Variants in UGT1A10 observed in about 807,000 individuals in gnomAD.
UGT1A10 encodes UDP glucuronosyltransferase family 1 member A10, also known as UDP-glucuronosyltransferase 1A10.
A neutral mutation model predicts 45.8 loss-of-function variants in UGT1A10; 49 were observed. The observed-to-expected ratio is 1.07, with a 90% CI of 0.85 to 1.36. The LOEUF (loss-of-function observed/expected upper bound fraction) is 1.36, where lower values mean the gene tolerates loss of function less well. Ranked by LOEUF, UGT1A10 falls within the 40% of genes most tolerant of loss-of-function variation. The pLI is 0.00. For missense variants in UGT1A10, 745 were observed against 668.6 expected, an observed-to-expected ratio of 1.11 and a Z score of -1.26; for synonymous variants, 284 against 249.7, an observed-to-expected ratio of 1.14 and a Z score of -1.29.
intron 1 of UGT1A10, chr2:233,713,361 A>C (rs201722242): frequency 1.1e-5 from 17 of 1,614,070 alleles, no homozygotes; most frequent in African/African-American, 1.3e-5. Context: ...GTCTTTGATC[A>C]TACATAGGTC....
chr2:233,756,018 C>T (rs900872393), intron 1 of UGT1A10: 6 of 152,198 alleles, frequency 3.9e-5, no homozygotes, highest in African/African-American at 1.4e-4. Context: ...TGTGATATTA[C>T]ACATCCCCCA....
chr2:233,725,092 C>T (rs1421040680), intron 1 of UGT1A10, among the ~76,000 whole-genome samples: 3 of 144,372 alleles, frequency 2.1e-5, no homozygotes, highest in African/African-American at 7.9e-5. Flanking sequence ...CAGGCTGAGG[C>T]AGGAGAATCA....
At chr2:233,689,819 C>T in intron 1 of UGT1A10, 1 of 449,700 alleles carries the variant, frequency 2.2e-6, no homozygotes, top group Admixed American at 2.4e-5. Flanking sequence ...AACCAAACAT[C>T]TCTGGACTCT....
At position 233,719,386 on chromosome 2, in the gene UGT1A10, A is replaced by G. The variant is rs141300284; in HGVS notation, c.856-47648A>G. The G allele has an allele frequency of 2.9e-5, 47 of 1,613,822 alleles. No homozygotes were observed. In the African/African-American group the frequency reaches 4.3e-4, roughly 15 times the overall value. ...GACTTTAAGGGCACACAGTGTCCAA[A>G]TCCTTCCTCCTATATTCCTAAGTTA... is the stretch of plus-strand genomic sequence containing the variant. On this transcript the variant is annotated intron_variant, in intron 1 of 4. Transcript: ENST00000344644.
intron 1 of UGT1A10, among the ~76,000 whole-genome samples, chr2:233,679,872 T>C (rs2074464794): frequency 6.6e-6 from 1 of 152,180 alleles, no homozygotes; most frequent in Non-Finnish European, 1.5e-5. Context: ...AAGCCTTTCT[T>C]ATAGCAATCC....
intron 1 of UGT1A10, among the ~76,000 whole-genome samples, chr2:233,704,666 G>C (rs572399791): frequency 6.6e-6 from 1 of 151,938 alleles, no homozygotes; most frequent in Non-Finnish European, 1.5e-5. Flanking sequence ...CTTTTCCTTT[G>C]TTCTTATGGA....
chr2:233,637,072 C>T lies in UGT1A10; in HGVS notation c.550C>T (p.Pro184Ser), dbSNP rs375031012. Residue 184 changes from proline to serine, a missense_variant, in exon 1 of 5, where the codon CCT becomes TCT. By Grantham distance (74) the Pro-to-Ser change is moderately conservative. Coordinates refer to ENST00000344644, the MANE Select transcript of UGT1A10 (RefSeq NM_019075.4). ...CCATCTTGAAGAAGGTGCACAGTGC[C>T]CTGCTCCTCTTTCCTATGTCCCCAA... Reference protein sequence around the residue: ...CHHLEEGAQCPAPLSYVPNDL... With the variant: ...CHHLEEGAQCSAPLSYVPNDL... The T allele has an allele frequency of 2.7e-5, 43 of 1,613,926 alleles. No individual in the cohort carries two copies. The highest frequency in any genetic ancestry group is 3.4e-5 in the Non-Finnish European group (40 of 1,179,870).
rs373771428 is a variant in UGT1A10 at position 233,743,798 on chromosome 2, T to A, written c.856-23236T>A. The A allele has an allele frequency of 5.3e-5, 73 of 1,367,294 alleles. No homozygotes were observed. The East Asian group carries it at 1.4e-3, about 26-fold the overall frequency. 84.7% of individuals were successfully genotyped at this position (1,367,294 alleles called of 1,614,324 possible). A position where few individuals can be genotyped will look rare whatever the true frequency, so the allele number is the denominator to read the frequency against. On this transcript the variant is annotated intron_variant, in intron 1 of 4. Transcript: ENST00000344644. ...CTGCTTGAATCTCCTCTCCGCTTCC[T>A]CCTTGTTCTCAGGGTTTTTGTCGGG...
At chr2:233,693,132 A>T in intron 1 of UGT1A10, 1 of 1,614,182 alleles carries the variant, frequency 6.2e-7, no homozygotes, top group Non-Finnish European at 8.5e-7. Flanking sequence ...CTTAGTATGA[A>T]GGATATAGTT....
At chr2:233,763,024 G>T (rs187872342) in intron 1 of UGT1A10, among the ~76,000 whole-genome samples, 17 of 152,244 alleles carry the variant, frequency 1.1e-4, no homozygotes, top group Middle Eastern at 3.4e-3. Flanking sequence ...CATTATGTTA[G>T]CCATTGTTTT....
intron 1 of UGT1A10, among the ~76,000 whole-genome samples, chr2:233,763,849 G>A (rs1198525346): frequency 6.6e-6 from 1 of 152,198 alleles, no homozygotes; most frequent in East Asian, 1.9e-4. Context: ...GATAGCAGTG[G>A]TTCACAGACA....
At chr2:233,688,425 CTA>C (rs2074893885) in intron 1 of UGT1A10, among the ~76,000 whole-genome samples, 1 of 152,216 alleles carries the variant, frequency 6.6e-6, no homozygotes, top group Non-Finnish European at 1.5e-5. Context: ...TGCCTAACCT[CTA>C]TACCTGACTG....
At chr2:233,711,213 G>A (rs1397680313) in intron 1 of UGT1A10, among the ~76,000 whole-genome samples, 2 of 152,238 alleles carry the variant, frequency 1.3e-5, no homozygotes, top group African/African-American at 4.8e-5. Flanking sequence ...TCTCCCCAGT[G>A]CTCCCATGTC....
intron 1 of UGT1A10, chr2:233,743,526 C>T (rs1373846752): frequency 7.3e-7 from 1 of 1,367,230 alleles, no homozygotes; most frequent in Admixed American, 1.9e-5. Flanking sequence ...TTCTGCTTCC[C>T]CAGCAGTTCC....
At chr2:233,755,374 C>G (rs1205727870) in intron 1 of UGT1A10, 3 of 355,518 alleles carry the variant, frequency 8.4e-6, no homozygotes, top group South Asian at 6.7e-5. Flanking sequence ...CCTGGAGGGC[C>G]GCCCCTTATG....
chr2:233,705,009 G>A (rs533483147), intron 1 of UGT1A10, among the ~76,000 whole-genome samples: 48 of 152,132 alleles, frequency 3.2e-4, no homozygotes, highest in African/African-American at 1.1e-3. Context: ...GGTGGCAGGC[G>A]CCTGTAATCC....
chr2:233,718,971 C>T (rs1342997030), intron 1 of UGT1A10: 5 of 1,614,090 alleles, frequency 3.1e-6, no homozygotes, highest in Middle Eastern at 1.6e-4. Context: ...CTTGCGGGAG[C>T]TCCATGCCAG....
intron 1 of UGT1A10, chr2:233,690,557 C>A: frequency 7.8e-7 from 1 of 1,289,654 alleles, no homozygotes; most frequent in South Asian, 1.2e-5. Context: ...ATGTCCCAAG[C>A]CTGAGTCATT....
At chr2:233,693,690 A>G in intron 1 of UGT1A10, 1 of 1,614,250 alleles carries the variant, frequency 6.2e-7, no homozygotes, top group Non-Finnish European at 8.5e-7. Flanking sequence ...TTTTCAAAGT[A>G]TGAAGAACTC....
Sources: allele counts gnomAD v4.1 joint callset (sites outside exome capture counted in the v4.1 genomes callset), GRCh38; gene constraint gnomAD v4.1.1; transcripts MANE v1.5; gene names NCBI Gene and HGNC (gene_info 2026-07-23, HGNC 2026-07-21).